The following SERPINI2 variants were observed in gnomAD, a reference collection of about 807,000 sequenced individuals.
SERPINI2 encodes the protein serpin family I member 2.
SERPINI2 carries 48 observed loss-of-function variants against 47.3 expected under a neutral mutation model. The observed-to-expected ratio is 1.02, with a 90% CI of 0.81 to 1.29. The LOEUF is 1.29. SERPINI2 is among the 50% of genes most tolerant of loss of function. The pLI is 0.00. For synonymous variants in SERPINI2, 135 were observed against 149.3 expected (o/e 0.90, Z 0.70); for missense variants, 448 against 456.9 (o/e 0.98, Z 0.18).
intron 1 of SERPINI2, among the ~76,000 whole-genome samples, chr3:167,472,587 C>A (rs1392983223): frequency 6.6e-6 from 1 of 151,610 alleles, no homozygotes. Context: ...TGCACATGTA[C>A]ATTAATCTGT....
At chr3:167,464,389 A>G (rs928991375) in intron 5 of SERPINI2, among the ~76,000 whole-genome samples, 55 of 152,126 alleles carry the variant, frequency 3.6e-4, no homozygotes, top group African/African-American at 1.3e-3. Context: ...AGGAGACAAA[A>G]ACATTAAAAA....
intron 5 of SERPINI2, among the ~76,000 whole-genome samples, chr3:167,461,807 A>C (rs561466315): frequency 2.9e-4 from 44 of 152,100 alleles, no homozygotes; most frequent in Admixed American, 1.8e-3. Flanking sequence ...TTTTCTAAAG[A>C]CAGGGTCTTT....
At chr3:167,475,509 T>C (rs192618102), upstream of SERPINI2, among the ~76,000 whole-genome samples, 647 of 151,944 alleles carry the variant, frequency 4.3e-3, 3 homozygotes, top group Non-Finnish European at 6.2e-3. Flanking sequence ...GAAATTGTTC[T>C]GTAAGGACCT....
chr3:167,472,172 A>G (rs1750347889), intron 1 of SERPINI2, among the ~76,000 whole-genome samples: 1 of 152,164 alleles, frequency 6.6e-6, no homozygotes, highest in South Asian at 2.1e-4. Flanking sequence ...ATCTTTTCTC[A>G]TGGTTAAGTG....
intron 5 of SERPINI2, among the ~76,000 whole-genome samples, chr3:167,459,698 G>A (rs1173658652): frequency 7.3e-6 from 1 of 136,942 alleles, no homozygotes. Context: ...TTTTTTTTTG[G>A]CATATACTAA....
chr3:167,446,476 G>A (rs770798254), exon 8 of SERPINI2: 2 of 1,586,872 alleles, frequency 1.3e-6, no homozygotes, highest in Non-Finnish European at 1.7e-6. Context: ...ACAGGGATGT[G>A]TATGCCTATA....
intron 5 of SERPINI2, among the ~76,000 whole-genome samples, chr3:167,456,792 C>G (rs530424600): frequency 8.5e-5 from 13 of 152,216 alleles, no homozygotes; most frequent in African/African-American, 3.1e-4. Flanking sequence ...GATGGGGGGC[C>G]ACCTATTACA....
chr3:167,459,743 GA>G (rs1749933445), intron 5 of SERPINI2, among the ~76,000 whole-genome samples: 2 of 148,120 alleles, frequency 1.4e-5, no homozygotes, highest in Admixed American at 1.4e-4. Context: ...CAACAATATA[GA>G]ATTTATTACA....
chr3:167,455,593 C>A (rs1440198346), intron 5 of SERPINI2, among the ~76,000 whole-genome samples: 81 of 123,114 alleles, frequency 6.6e-4, no homozygotes, highest in African/African-American at 6.1e-4. Context: ...ATACGAGTCT[C>A]AAAAAAAAAA....
chr3:167,443,794 A>C (rs1213017503), intron 8 of SERPINI2, among the ~76,000 whole-genome samples: 1 of 152,200 alleles, frequency 6.6e-6, no homozygotes, highest in Admixed American at 6.5e-5. Flanking sequence ...AGGAAGAATC[A>C]CATTTTGAAT....
At chr3:167,476,811 T>C (rs1245341701), upstream of SERPINI2, among the ~76,000 whole-genome samples, 1 of 152,022 alleles carries the variant, frequency 6.6e-6, no homozygotes, top group Non-Finnish European at 1.5e-5. Context: ...TAATCTCTTA[T>C]ACATGCCTTC....
chr3:167,448,817 C>T lies in SERPINI2; in HGVS notation c.1051+499G>A, dbSNP rs1490497424. Among the ~76,000 whole-genome samples the T allele has an allele frequency of 7.2e-5, 11 of 151,800 alleles. No homozygotes were observed. In the South Asian group the frequency reaches 1.9e-3, roughly 26 times the overall value. ...GATTACAGGCGTGAGCCACCGCGCC[C>T]GGTTGACTGGGCATAGGAGTTTTTA... is the stretch of plus-strand genomic sequence containing the variant. On this transcript the variant is annotated intron_variant, in intron 7 of 8. Transcript: ENST00000264677.
At chr3:167,470,469 A>G (rs1750272735) in intron 2 of SERPINI2, among the ~76,000 whole-genome samples, 1 of 151,676 alleles carries the variant, frequency 6.6e-6, no homozygotes, top group African/African-American at 2.4e-5. Context: ...AGAACACAGT[A>G]TCTCAGAGTA....
intron 3 of SERPINI2, 113 bp from the exon 4 acceptor site, chr3:167,465,786 G>A (rs977748102): frequency 1.9e-5 from 15 of 780,842 alleles, no homozygotes; most frequent in Middle Eastern, 3.1e-4. Context: ...TTTGGATAGG[G>A]CATGTTATCA....
chr3:167,455,231 A>G (rs922117436), intron 5 of SERPINI2, among the ~76,000 whole-genome samples: 23 of 152,230 alleles, frequency 1.5e-4, no homozygotes, highest in African/African-American at 5.5e-4. Context: ...CAACTAAATC[A>G]TGAATGGAAT....
chr3:167,465,141 T>C, intron 5 of SERPINI2, 65 bp downstream of exon 5: 2 of 1,365,236 alleles, frequency 1.5e-6, no homozygotes, highest in Non-Finnish European at 2.0e-6. Context: ...ACCTTTCAGC[T>C]GACTGCTCAA....
exon 2 of SERPINI2, chr3:167,471,659 A>G (rs1377297396): frequency 1.9e-6 from 3 of 1,613,582 alleles, no homozygotes; most frequent in Non-Finnish European, 2.5e-6. Flanking sequence ...TCCCAGTTGT[A>G]CCATCTCAAG....
chr3:167,467,462 C>T (rs1044812669), intron 2 of SERPINI2, among the ~76,000 whole-genome samples, 177 bp from the exon 3 acceptor site: 7 of 152,026 alleles, frequency 4.6e-5, no homozygotes, highest in Admixed American at 2.6e-4. Flanking sequence ...GTAGAATATG[C>T]ATTTTGTAGA....
chr3:167,445,547 C>T (rs558417921), intron 8 of SERPINI2, among the ~76,000 whole-genome samples: 11 of 152,282 alleles, frequency 7.2e-5, no homozygotes. Flanking sequence ...GAGCCCAACC[C>T]AATTTCACAC....
Sources: allele counts gnomAD v4.1 joint callset (sites outside exome capture counted in the v4.1 genomes callset), GRCh38; gene constraint gnomAD v4.1.1; transcripts MANE v1.5; gene names NCBI Gene and HGNC (gene_info 2026-07-23, HGNC 2026-07-21).